PIAS2: variants seen among roughly 807,000 people sequenced by gnomAD.
PIAS2 encodes protein inhibitor of activated STAT 2.
In PIAS2, 19 loss-of-function variants were observed where a neutral mutation model predicts 69.7. The observed-to-expected ratio is 0.27, with a 90% CI of 0.19 to 0.40. The LOEUF is 0.40. Ranked by LOEUF, PIAS2 falls within the 10% of genes least tolerant of loss-of-function variation. The pLI, the probability that PIAS2 is intolerant of heterozygous loss-of-function variation, is 1.00. For synonymous variants in PIAS2, 261 were observed against 263.2 expected, an observed-to-expected ratio of 0.99 and a Z score of 0.08; for missense variants, 624 against 757.0, an observed-to-expected ratio of 0.82 and a Z score of 2.06.
At chr18:46,917,202 G>A in intron 1 of PIAS2, 120 bp downstream of exon 1, 4 of 1,307,320 alleles carry the variant, frequency 3.1e-6, no homozygotes, top group Non-Finnish European at 4.0e-6. Context: ...GCGGGCCGGG[G>A]CTCAGGGCTC....
At chr18:46,852,131 A>G (rs1441009458) in intron 5 of PIAS2, among the ~76,000 whole-genome samples, 2 of 152,206 alleles carry the variant, frequency 1.3e-5, no homozygotes, top group Non-Finnish European at 2.9e-5. Context: ...TACTCACGTA[A>G]TTCTTAAAAA....
intron 3 of PIAS2, among the ~76,000 whole-genome samples, chr18:46,862,563 A>G (rs1326584671): frequency 1.3e-5 from 2 of 152,166 alleles, no homozygotes; most frequent in East Asian, 3.9e-4. Flanking sequence ...GAATCTTTTA[A>G]GAATGCAACT....
At chr18:46,819,116 A>G (rs1005746593) in intron 12 of PIAS2, among the ~76,000 whole-genome samples, 16 of 152,150 alleles carry the variant, frequency 1.1e-4, no homozygotes, top group Non-Finnish European at 2.2e-4. Context: ...TTTAATGAAC[A>G]GAAATGCTCA....
At position 46,830,634 on chromosome 18, in the gene PIAS2, A is replaced by G. The variant is rs190526969; in HGVS notation, c.1203-767T>C. On this transcript the variant is annotated intron_variant, in intron 9 of 13. Coordinates refer to ENST00000585916, the MANE Select transcript of PIAS2 (RefSeq NM_004671.5). ...CAAAGAACAAAACAAACAAATAGAA[A>G]AAAAGAAAAACAGAAAAATCAGTTT... Among the ~76,000 whole-genome samples the G allele has an allele frequency of 2.6e-5, 4 of 152,242 alleles. No individual in the cohort carries two copies. The East Asian group carries it at 7.7e-4, about 29-fold the overall frequency.
In PIAS2 at chr18:46,855,345, A is replaced by T; in HGVS notation, c.726T>A (p.Pro242=). ...IKVNGKLFPL[P]GYAPPPKNGI... is the part of the protein sequence containing the mutation. ...ATCTGGTGAATAAAAAGCAACTTAC[A>T]GGCAAAGGAAATAGCTTCCCATTTA... Residue 242 remains proline, a splice_region_variant and synonymous_variant, in exon 5 of 14, where the codon CCT becomes CCA. Coordinates refer to ENST00000585916, the MANE Select transcript of PIAS2 (RefSeq NM_004671.5). The T allele has an allele frequency of 6.3e-7, 1 of 1,592,256 alleles. No individual in the cohort carries two copies. Among genetic ancestry groups the T allele is most frequent in the Non-Finnish European group, 8.6e-7 (1 of 1,167,210 alleles).
intron 10 of PIAS2, 140 bp downstream of exon 10, chr18:46,829,594 A>G: frequency 1.4e-6 from 1 of 701,904 alleles, no homozygotes; most frequent in East Asian, 2.6e-5. Context: ...AAGAATAAAA[A>G]TCATTTGGGG....
At chr18:46,832,199 G>A (rs2043722860) in intron 9 of PIAS2, among the ~76,000 whole-genome samples, 2 of 150,762 alleles carry the variant, frequency 1.3e-5, no homozygotes, top group African/African-American at 4.9e-5. Context: ...GGTGGATCAC[G>A]AGGTCGGGAG....
In PIAS2 at chr18:46,917,196, G is replaced by A. The variant is rs1437355684; in HGVS notation, c.24+126C>T. On this transcript the variant is annotated intron_variant, in intron 1 of 13. Coordinates refer to ENST00000585916, the MANE Select transcript of PIAS2 (RefSeq NM_004671.5). ...GCCCTCGGCGCCCGTTCGTCCGCGG[G>A]CCGGGGCTCAGGGCTCCGCCAACCG... The A allele has an allele frequency of 3.2e-5, 40 of 1,248,946 alleles. No homozygotes were observed. The East Asian group carries it at 1.5e-3, about 47-fold the overall frequency. 77.4% of individuals were successfully genotyped at this position (1,248,946 alleles called of 1,614,324 possible). A position where few individuals can be genotyped will look rare whatever the true frequency, so the allele number is the denominator to read the frequency against.
At chr18:46,874,047 C>CGTTTT (rs2050784321) in intron 2 of PIAS2, among the ~76,000 whole-genome samples, 1 of 152,098 alleles carries the variant, frequency 6.6e-6, no homozygotes, top group Non-Finnish European at 1.5e-5. Flanking sequence ...ATCAAGAAAC[C>CGTTTT]CACTGGGGAC....
chr18:46,917,451 C>T lies in PIAS2; in HGVS notation c.-106G>A. ...CGCCGCCGCCTCCAGCACCATCCTG[C>T]ACTGGGCGCCGCTTAAGACGCCGCG... On this transcript the variant is annotated 5_prime_UTR_variant, in exon 1 of 14. Coordinates refer to ENST00000585916, the MANE Select transcript of PIAS2 (RefSeq NM_004671.5). 2 of 1,244,884 alleles carry T rather than the reference C, an allele frequency of 1.6e-6. No homozygotes were observed. The highest frequency in any genetic ancestry group is 2.0e-6 in the Non-Finnish European group (2 of 990,238). 77.1% of individuals were successfully genotyped at this position (1,244,884 alleles called of 1,614,324 possible).
chr18:46,827,474 C>T (rs1443212227), intron 11 of PIAS2: 1 of 152,266 alleles, frequency 6.6e-6, no homozygotes, highest in African/African-American at 2.4e-5. Flanking sequence ...GGCTTTCTTT[C>T]ATCTCATTAA....
At chr18:46,833,296 A>G (rs2043951187) in intron 9 of PIAS2, among the ~76,000 whole-genome samples, 1 of 152,234 alleles carries the variant, frequency 6.6e-6, no homozygotes, top group African/African-American at 2.4e-5. Context: ...AAGGAAGCAC[A>G]TAGTTTATGA....
chr18:46,855,905 A>T (rs1383229762), intron 3 of PIAS2, among the ~76,000 whole-genome samples: 1 of 152,220 alleles, frequency 6.6e-6, no homozygotes, highest in East Asian at 1.9e-4. Flanking sequence ...GTAACATGCA[A>T]GGAAGCAGCC....
intron 11 of PIAS2, among the ~76,000 whole-genome samples, chr18:46,823,425 C>T (rs762409683): frequency 3.3e-5 from 5 of 152,088 alleles, no homozygotes; most frequent in Non-Finnish European, 7.4e-5. Context: ...TAGACTTACA[C>T]GTAACAACAA....
intron 3 of PIAS2, among the ~76,000 whole-genome samples, chr18:46,859,427 CAAAAAAAAAA>C (rs55776913): frequency 1.5e-4 from 13 of 89,568 alleles, no homozygotes; most frequent in African/African-American, 5.6e-4. Context: ...GACTCCGTCT[CAAAAAAAAAA>C]AAAAAAAAAA....
rs2043035873 is a variant in PIAS2 at position 46,827,846 on chromosome 18, A to G, written c.1508+113T>C. 4.3e-6 allele frequency: 4 copies of G among 933,662 alleles called. No individual in the cohort carries two copies. The Admixed American group carries it at 9.9e-5, about 23-fold the overall frequency. 57.8% of individuals were successfully genotyped at this position (933,662 alleles called of 1,614,324 possible). On this transcript the variant is annotated intron_variant, in intron 11 of 13. Transcript: ENST00000585916. Reference sequence around the variant, plus strand: ...AAAATATTTCAACTCAACAAAGGCAAATTAAAATAGCCTTCTACAGTTATG... The same window carrying G: ...AAAATATTTCAACTCAACAAAGGCAGATTAAAATAGCCTTCTACAGTTATG...
At chr18:46,870,561 AGCCATGATCGT>A (rs1327104673) in intron 2 of PIAS2, among the ~76,000 whole-genome samples, 1 of 133,922 alleles carries the variant, frequency 7.5e-6, no homozygotes, top group African/African-American at 2.8e-5. Context: ...GCTTGCCGTG[AGCCATGATCGT>A]GCCACTGCAC....
intron 1 of PIAS2, among the ~76,000 whole-genome samples, chr18:46,912,439 G>A (rs1049526232): frequency 1.3e-5 from 2 of 152,198 alleles, no homozygotes; most frequent in Non-Finnish European, 2.9e-5. Flanking sequence ...CAGTACAGAT[G>A]TAACCAACCT....
At chr18:46,877,691 C>A (rs184479125) in intron 2 of PIAS2, among the ~76,000 whole-genome samples, 2 of 152,100 alleles carry the variant, frequency 1.3e-5, no homozygotes, top group African/African-American at 4.8e-5. Context: ...AATGGGGACA[C>A]GACACAGAAC....
Sources: allele counts gnomAD v4.1 joint callset (sites outside exome capture counted in the v4.1 genomes callset), GRCh38; gene constraint gnomAD v4.1.1; transcripts MANE v1.5; gene names NCBI Gene and HGNC (gene_info 2026-07-23, HGNC 2026-07-21).